The following PHC3 variants were observed in gnomAD, a reference collection of about 807,000 sequenced individuals.
PHC3 encodes polyhomeotic-like protein 3.
PHC3 carries 13 observed loss-of-function variants against 107.4 expected under a neutral mutation model. The ratio of observed to expected loss-of-function variants is 0.12; its 90% CI spans 0.08 to 0.19. The LOEUF is 0.19. Ranked by LOEUF, PHC3 falls within the 10% of genes least tolerant of loss-of-function variation. The pLI is 1.00. For missense variants in PHC3, 992 were observed against 1,210.9 expected, an observed-to-expected ratio of 0.82 and a Z score of 2.68; for synonymous variants, 456 against 427.4, an observed-to-expected ratio of 1.07 and a Z score of -0.83.
At position 170,088,170 on chromosome 3, in the gene PHC3, A is replaced by G. The variant is rs1713684611; in HGVS notation, c.*9060T>C. On this transcript the variant is annotated 3_prime_UTR_variant, in exon 15 of 15. Transcript: ENST00000495893. ...TTAACATGTTTTCTGTAAAGATAAA[A>G]AATGTTTTCTTTCCCCTTGGTGATC... The G allele has an allele frequency of 6.6e-6, 1 of 152,190 alleles. No individual in the cohort carries two copies. Among genetic ancestry groups the G allele is most frequent in the African/African-American group, 2.4e-5 (1 of 41,450 alleles). 9.4% of individuals were successfully genotyped at this position (152,190 alleles called of 1,614,324 possible).
intron 11 of PHC3, among the ~76,000 whole-genome samples, chr3:170,107,921 A>G (rs1177949363): frequency 6.6e-6 from 1 of 152,172 alleles, no homozygotes; most frequent in African/African-American, 2.4e-5. Context: ...CATCTGTAAA[A>G]TGGGGTTTAT....
chr3:170,128,689 GTGGATCAACAGGTGC>G lies in PHC3; in HGVS notation c.1768_1782del (p.Ala590_Pro594del). ...AAGAGCTTCCAAGGGCTTACCACTG[GTGGATCAACAGGTGC>G]TGGTGGTTGCACTTGTAGGTTTACC... is the stretch of plus-strand genomic sequence containing the variant. On this transcript the variant is annotated inframe_deletion, in exon 8 of 15. Transcript: ENST00000495893. The G allele has an allele frequency of 6.2e-7, 1 of 1,613,718 alleles. No homozygotes were observed. The highest frequency in any genetic ancestry group is 8.5e-7 in the Non-Finnish European group (1 of 1,179,716).
intron 4 of PHC3, among the ~76,000 whole-genome samples, chr3:170,151,850 G>A (rs972667083): frequency 6.6e-4 from 100 of 152,246 alleles, no homozygotes; most frequent in African/African-American, 2.4e-3. Flanking sequence ...CCCAGCCCAA[G>A]ACATTAACAT....
intron 1 of PHC3, among the ~76,000 whole-genome samples, chr3:170,181,109 G>A (rs1048255128): frequency 4.6e-5 from 7 of 152,224 alleles, no homozygotes; most frequent in Non-Finnish European, 8.8e-5. Context: ...TCGAGGGAAA[G>A]ACCTTTCTTT....
At chr3:170,118,188 G>C (rs1719428055) in intron 9 of PHC3, among the ~76,000 whole-genome samples, 1 of 152,190 alleles carries the variant, frequency 6.6e-6, no homozygotes, top group Non-Finnish European at 1.5e-5. Flanking sequence ...GGGCAGTGGA[G>C]TACTTTGAAA....
intron 4 of PHC3, among the ~76,000 whole-genome samples, chr3:170,155,765 A>T (rs1726792597): frequency 6.6e-6 from 1 of 152,086 alleles, no homozygotes; most frequent in African/African-American, 2.4e-5. Context: ...ATATACACAC[A>T]ATAATACATA....
rs1192125246 is a variant in PHC3 at position 170,091,235 on chromosome 3, A to G, written c.*5995T>C. 6.6e-6 allele frequency: 1 copy of G among 152,204 alleles called. No individual in the cohort carries two copies. Among genetic ancestry groups the G allele is most frequent in the East Asian group, 1.9e-4 (1 of 5,202 alleles). The allele number at this position is 152,204 out of a possible 1,614,324, so 9.4% of individuals were successfully genotyped here. A position where few individuals can be genotyped will look rare whatever the true frequency, so the allele number is the denominator to read the frequency against. On this transcript the variant is annotated 3_prime_UTR_variant, in exon 15 of 15. Transcript: ENST00000495893. ...AACAGGTGCTCTAAAAGAACTTACT[A>G]CCTTACTCTTATATTTAATTAACAC...
At chr3:170,140,998 T>C (rs982921124) in intron 6 of PHC3, among the ~76,000 whole-genome samples, 1 of 152,154 alleles carries the variant, frequency 6.6e-6, no homozygotes, top group African/African-American at 2.4e-5. Context: ...ACATAGTAAA[T>C]AAAAGTGAGA....
chr3:170,123,619 C>A (rs1720785071), intron 8 of PHC3, among the ~76,000 whole-genome samples: 1 of 151,694 alleles, frequency 6.6e-6, no homozygotes, highest in Non-Finnish European at 1.5e-5. Flanking sequence ...TGAAACCCTA[C>A]CTCTACTTAA....
chr3:170,167,586 C>T (rs1350936104), intron 4 of PHC3, among the ~76,000 whole-genome samples: 2 of 151,872 alleles, frequency 1.3e-5, no homozygotes, highest in East Asian at 3.9e-4. Flanking sequence ...ATGGCAAAAC[C>T]CCATCTCTGC....
In PHC3 at chr3:170,092,813, T is replaced by TTAA. The variant is rs1371686213; in HGVS notation, c.*4414_*4416dup. 4 of 152,198 alleles carry TTAA rather than the reference T, an allele frequency of 2.6e-5. No homozygotes were observed. In the South Asian group the frequency reaches 8.3e-4, roughly 31 times the overall value. 9.4% of individuals were successfully genotyped at this position (152,198 alleles called of 1,614,324 possible). ...ACTAACTTCTACATCACTGGAACTA[T>TTAA]TAATATCCATGCTCCCAAGCATGGA... On this transcript the variant is annotated 3_prime_UTR_variant, in exon 15 of 15. Coordinates refer to ENST00000495893, the MANE Select transcript of PHC3 (RefSeq NM_024947.4).
Position 170,094,459 on chromosome 3 carries a change from T to A in PHC3, c.*2771A>T, listed in dbSNP as rs1417803820. Reference sequence around the variant, plus strand: ...AACCTCCATGTTCCCTTTCTGTTTGTCATTATCTCTCCCCAGTCAAAATCC... The same window carrying A: ...AACCTCCATGTTCCCTTTCTGTTTGACATTATCTCTCCCCAGTCAAAATCC... On this transcript the variant is annotated 3_prime_UTR_variant, in exon 15 of 15. Transcript: ENST00000495893. The A allele has an allele frequency of 1.3e-5, 2 of 152,176 alleles. No individual in the cohort carries two copies. The highest frequency in any genetic ancestry group is 6.5e-5 in the Admixed American group (1 of 15,274). 9.4% of individuals were successfully genotyped at this position (152,176 alleles called of 1,614,324 possible).
Position 170,096,410 on chromosome 3 carries a change from T to A in PHC3, c.*820A>T, listed in dbSNP as rs998978603. 5 of 152,150 alleles carry A rather than the reference T, an allele frequency of 3.3e-5. No individual in the cohort carries two copies. The highest frequency in any genetic ancestry group is 1.2e-4 in the African/African-American group (5 of 41,440). The allele number at this position is 152,150 out of a possible 1,614,324, so 9.4% of individuals were successfully genotyped here. A position where few individuals can be genotyped will look rare whatever the true frequency, so the allele number is the denominator to read the frequency against. On this transcript the variant is annotated 3_prime_UTR_variant, in exon 15 of 15. Coordinates refer to ENST00000495893, the MANE Select transcript of PHC3 (RefSeq NM_024947.4). Reference sequence around the variant, plus strand: ...ATAATTCTTTACAGTGGAGGGGTGCTGTCCTGTGCATTATAAGATGTTTAG... The same window carrying A: ...ATAATTCTTTACAGTGGAGGGGTGCAGTCCTGTGCATTATAAGATGTTTAG...
intron 4 of PHC3, among the ~76,000 whole-genome samples, chr3:170,167,208 G>C (rs542472583): frequency 3.9e-5 from 6 of 152,216 alleles, no homozygotes; most frequent in African/African-American, 1.4e-4. Flanking sequence ...GAGTGCAATG[G>C]TATGATCTCA....
intron 8 of PHC3, among the ~76,000 whole-genome samples, chr3:170,123,662 G>A (rs866375963): frequency 9.2e-5 from 14 of 151,566 alleles, no homozygotes; most frequent in African/African-American, 2.2e-4. Flanking sequence ...GCATGGTGGC[G>A]GGCGCCTGTA....
At chr3:170,134,799 A>G (rs1722802178) in intron 7 of PHC3, among the ~76,000 whole-genome samples, 1 of 152,196 alleles carries the variant, frequency 6.6e-6, no homozygotes, top group South Asian at 2.1e-4. Flanking sequence ...TAAATGCCCA[A>G]TATTATTATC....
At chr3:170,171,473 A>G in intron 3 of PHC3, 23 bp from the exon 4 acceptor site, 1 of 1,516,730 alleles carries the variant, frequency 6.6e-7, no homozygotes. Context: ...GACTTTTAGA[A>G]TATGTCGGTA....
At chr3:170,153,914 G>C (rs75878756) in intron 4 of PHC3, among the ~76,000 whole-genome samples, 1 of 151,992 alleles carries the variant, frequency 6.6e-6, no homozygotes, top group Non-Finnish European at 1.5e-5. Context: ...TGGCACTGGC[G>C]ATGATATTCC....
chr3:170,117,492 A>G lies in PHC3; in HGVS notation c.1943-16T>C, dbSNP rs753621942. On this transcript the variant is annotated splice_polypyrimidine_tract_variant and intron_variant, in intron 9 of 14. Transcript: ENST00000495893. Reference sequence around the variant, plus strand: ...TCCACTTGCTCTGAAAAAAAAACCAAAAAGTCATTTAAAAATTTTTTTAGC... The same window carrying G: ...TCCACTTGCTCTGAAAAAAAAACCAGAAAGTCATTTAAAAATTTTTTTAGC... 2.4e-5 allele frequency: 38 copies of G among 1,583,226 alleles called. No homozygotes were observed. In the South Asian group the frequency reaches 2.9e-4, roughly 12 times the overall value.
Sources: allele counts gnomAD v4.1 joint callset (sites outside exome capture counted in the v4.1 genomes callset), GRCh38; gene constraint gnomAD v4.1.1; transcripts MANE v1.5; gene names NCBI Gene and HGNC (gene_info 2026-07-23, HGNC 2026-07-21).